The following PCDHAC1 variants were observed in gnomAD, a reference collection of about 807,000 sequenced individuals.
PCDHAC1 encodes protocadherin alpha subfamily C, 1.
A neutral mutation model predicts 60.0 loss-of-function variants in PCDHAC1; 42 were observed. The observed-to-expected ratio is 0.70, with a 90% CI of 0.55 to 0.90. The LOEUF is 0.90. Among genes scored for constraint, PCDHAC1 ranks in the 40% least tolerant of loss-of-function variants. The pLI is 0.00. For missense variants in PCDHAC1, 1,160 were observed against 1,222.3 expected (o/e 0.95, Z 0.76); for synonymous variants, 468 against 499.3 (o/e 0.94, Z 0.84).
chr5:140,947,760 A>C (rs1332466215), intron 1 of PCDHAC1, among the ~76,000 whole-genome samples: 1 of 151,618 alleles, frequency 6.6e-6, no homozygotes, highest in Non-Finnish European at 1.5e-5. Context: ...TTATGGTTTA[A>C]AAAATTCTAT....
At chr5:140,952,807 C>T (rs1390694306) in intron 1 of PCDHAC1, among the ~76,000 whole-genome samples, 2 of 152,158 alleles carry the variant, frequency 1.3e-5, no homozygotes, top group Admixed American at 6.5e-5. Context: ...CGCAGTTCTG[C>T]AGGCTGTACA....
At chr5:141,008,961 A>G (rs2098395078) in intron 3 of PCDHAC1, among the ~76,000 whole-genome samples, 1 of 152,214 alleles carries the variant, frequency 6.6e-6, no homozygotes, top group Non-Finnish European at 1.5e-5. Context: ...ACATCCTAAT[A>G]CATTTATAGC....
chr5:140,962,107 G>A (rs1010906038), intron 1 of PCDHAC1, among the ~76,000 whole-genome samples: 20 of 151,860 alleles, frequency 1.3e-4, no homozygotes, highest in African/African-American at 4.4e-4. Flanking sequence ...GGATGGTCTC[G>A]ATCTCCTAAC....
Position 141,009,779 on chromosome 5 carries a change from A to G in PCDHAC1, c.2734A>G (p.Ile912Val), listed in dbSNP as rs1289763016. 3.7e-6 allele frequency: 6 copies of G among 1,613,952 alleles called. No individual in the cohort carries two copies. Among genetic ancestry groups the G allele is most frequent in the Non-Finnish European group, 5.1e-6 (6 of 1,180,030 alleles). ...CCCAGGATCTCCTGCAATCATCTCCATCCGGCAGGAGCCTACTAACAGCCA... is the reference window on the plus strand; with the variant it reads ...CCCAGGATCTCCTGCAATCATCTCCGTCCGGCAGGAGCCTACTAACAGCCA... ...IIPGSPAIIS[I>V]RQEPTNSQID... The change falls in exon 4 of 4, where the codon ATC becomes GTC. Residue 912 changes from isoleucine to valine, a missense_variant. Coordinates refer to ENST00000253807, the MANE Select transcript of PCDHAC1 (RefSeq NM_018898.5).
intron 1 of PCDHAC1, among the ~76,000 whole-genome samples, chr5:140,963,630 C>T (rs1370293911): frequency 3.3e-5 from 5 of 152,140 alleles, no homozygotes; most frequent in African/African-American, 1.2e-4. Flanking sequence ...TTGTTGCATA[C>T]GCATCTTCCC....
At chr5:140,969,139 C>T (rs1407003944) in intron 1 of PCDHAC1, 5 of 1,614,064 alleles carry the variant, frequency 3.1e-6, no homozygotes, top group Non-Finnish European at 4.2e-6. Context: ...CCAAGACCTA[C>T]TGCTACAAGG....
At chr5:140,993,225 T>C (rs1036685362) in intron 3 of PCDHAC1, among the ~76,000 whole-genome samples, 2 of 152,206 alleles carry the variant, frequency 1.3e-5, no homozygotes, top group Admixed American at 6.5e-5. Context: ...TTTTGGTATG[T>C]TCTCTCTGAA....
intron 1 of PCDHAC1, chr5:140,966,660 A>G: frequency 8.2e-7 from 1 of 1,217,300 alleles, no homozygotes; most frequent in Non-Finnish European, 1.1e-6. Context: ...GCGGTGGGGG[A>G]GCAGGCGCAG....
chr5:140,986,195 A>G (rs1200850544), intron 3 of PCDHAC1, among the ~76,000 whole-genome samples: 1 of 152,314 alleles, frequency 6.6e-6, no homozygotes, highest in Non-Finnish European at 1.5e-5. Context: ...TAAATTGGTT[A>G]ATCCTGATTA....
chr5:140,953,938 C>T (rs1349031672), intron 1 of PCDHAC1, among the ~76,000 whole-genome samples: 1 of 152,088 alleles, frequency 6.6e-6, no homozygotes, highest in African/African-American at 2.4e-5. Context: ...CTCTCCCTCC[C>T]ATTGCTCCCC....
At chr5:140,971,096 A>G (rs1240805149) in intron 1 of PCDHAC1, among the ~76,000 whole-genome samples, 1 of 152,180 alleles carries the variant, frequency 6.6e-6, no homozygotes, top group African/African-American at 2.4e-5. Context: ...ATTCTTGTGA[A>G]GCCCTTTGGG....
chr5:140,935,852 CTT>C (rs1267620281), intron 1 of PCDHAC1, among the ~76,000 whole-genome samples: 2 of 149,326 alleles, frequency 1.3e-5, no homozygotes, highest in African/African-American at 4.9e-5. Context: ...TTAATGGTGT[CTT>C]TTGATTAGCA....
At chr5:140,969,342 G>T (rs1216517284) in intron 1 of PCDHAC1, 2 of 1,613,512 alleles carry the variant, frequency 1.2e-6, no homozygotes, top group Non-Finnish European at 1.7e-6. Flanking sequence ...GTGAGACAGT[G>T]GTCAGGGGGT....
At chr5:140,965,876 C>T (rs1416182822) in intron 1 of PCDHAC1, among the ~76,000 whole-genome samples, 1 of 152,152 alleles carries the variant, frequency 6.6e-6, no homozygotes, top group African/African-American at 2.4e-5. Flanking sequence ...GCCACTTGGC[C>T]GAGAGCAGAA....
chr5:140,956,678 A>C (rs1442214825), intron 1 of PCDHAC1, among the ~76,000 whole-genome samples: 2 of 152,104 alleles, frequency 1.3e-5, no homozygotes, highest in Non-Finnish European at 2.9e-5. Context: ...GTTAGGGAGG[A>C]GTACCTCCTT....
At chr5:140,986,738 G>T (rs1483741648) in intron 3 of PCDHAC1, among the ~76,000 whole-genome samples, 1 of 152,168 alleles carries the variant, frequency 6.6e-6, no homozygotes, top group Admixed American at 6.5e-5. Flanking sequence ...AAGACCCCAG[G>T]GGATCTGGGA....
chr5:140,983,359 A>G (rs1310994731), intron 3 of PCDHAC1, among the ~76,000 whole-genome samples: 1 of 152,254 alleles, frequency 6.6e-6, no homozygotes, highest in African/African-American at 2.4e-5. Flanking sequence ...TAATAGAAAT[A>G]TGGCTTTGGA....
chr5:140,967,985 A>C, intron 1 of PCDHAC1: 1 of 1,614,218 alleles, frequency 6.2e-7, no homozygotes, highest in Non-Finnish European at 8.5e-7. Context: ...TCTGGAGGCC[A>C]CACTGCCTTT....
intron 1 of PCDHAC1, among the ~76,000 whole-genome samples, chr5:140,961,366 C>T (rs1384222732): frequency 6.6e-6 from 1 of 152,144 alleles, no homozygotes; most frequent in Non-Finnish European, 1.5e-5. Context: ...CATTAGAATT[C>T]TCCTTCTAGT....
Sources: gnomAD v4.1 joint callset for allele counts (sites outside exome capture counted in the v4.1 genomes callset) on GRCh38, gnomAD v4.1.1 for gene constraint, MANE v1.5 for transcripts, NCBI Gene and HGNC (gene_info 2026-07-23, HGNC 2026-07-21) for gene names.